The following KCNQ1 variants were observed in gnomAD, a reference collection of about 807,000 sequenced individuals.
KCNQ1 encodes potassium voltage-gated channel subfamily KQT member 1.
A neutral mutation model predicts 72.4 loss-of-function variants in KCNQ1; 49 were observed. That is an observed-to-expected ratio of 0.68 (90% CI 0.54 to 0.86). The LOEUF (loss-of-function observed/expected upper bound fraction) is 0.86, where lower values mean the gene tolerates loss of function less well. Ranked by LOEUF, KCNQ1 falls within the 40% of genes least tolerant of loss-of-function variation. KCNQ1 has a pLI of 0.00. For missense variants in KCNQ1, 790 were observed against 945.1 expected (o/e 0.84, Z 2.15); for synonymous variants, 450 against 412.6 (o/e 1.09, Z -1.10).
chr11:2,648,115 G>A, intron 10 of KCNQ1: 2 of 371,406 alleles, frequency 5.4e-6, no homozygotes, highest in Non-Finnish European at 9.5e-6. Flanking sequence ...TGAGGCAGGA[G>A]GATTGCTTGA....
At chr11:2,472,348 TTGTG>T (rs1441245028) in intron 1 of KCNQ1, among the ~76,000 whole-genome samples, 2 of 148,092 alleles carry the variant, frequency 1.4e-5, no homozygotes, top group Non-Finnish European at 3.0e-5. Flanking sequence ...CTGTGTGTGT[TTGTG>T]GGTGTGTGTG....
chr11:2,531,477 G>A (rs1258386494), intron 2 of KCNQ1, among the ~76,000 whole-genome samples: 1 of 152,076 alleles, frequency 6.6e-6, no homozygotes, highest in Non-Finnish European at 1.5e-5. Flanking sequence ...ACAGTGCTGA[G>A]CTGTGCCCCC....
chr11:2,680,131 ATCTGCCCGCC>A (rs1413079797), intron 11 of KCNQ1: 32 of 394,880 alleles, frequency 8.1e-5, no homozygotes, highest in Middle Eastern at 6.3e-4. Context: ...ACCTCAAGTG[ATCTGCCCGCC>A]TCAGCCTCCT....
At chr11:2,633,538 T>A (rs943880045) in intron 10 of KCNQ1, 1 of 398,438 alleles carries the variant, frequency 2.5e-6, no homozygotes, top group African/African-American at 2.1e-5. Flanking sequence ...TTTGAGTTGA[T>A]TTTTTTATAT....
At chr11:2,459,677 C>A (rs1216248395) in intron 1 of KCNQ1, among the ~76,000 whole-genome samples, 1 of 152,028 alleles carries the variant, frequency 6.6e-6, no homozygotes, top group Non-Finnish European at 1.5e-5. Flanking sequence ...AGGGCGTGGT[C>A]CCTCCCCCCA....
At chr11:2,622,250 G>A (rs10741669) in intron 10 of KCNQ1, 355,513 of 398,270 alleles carry the variant, frequency 0.89, 158,915 homozygotes, top group East Asian at 0.99. Context: ...GTGTGTATAC[G>A]TTTCCAATTG....
rs11820026 is a variant in KCNQ1, at chr11:2,565,452, A to G, written c.478-5176A>G. Among the ~76,000 whole-genome samples the G allele has an allele frequency of 0.067, 10,137 of 152,226 alleles. 836 individuals carry two copies. Among genetic ancestry groups the G allele is most frequent in the African/African-American group, 0.2 (8,114 of 41,500 alleles). On this transcript the variant is annotated intron_variant, in intron 2 of 15. Transcript: ENST00000155840. The surrounding 1 kb of genome is among the most constrained non-coding windows in gnomAD (Gnocchi z 5.6). ...AAATGACTGTCCAAGCCCTTTGCCTATTTTTTAAAAATTGAGTTGTTAGGA... is the reference window on the plus strand; with the variant it reads ...AAATGACTGTCCAAGCCCTTTGCCTGTTTTTTAAAAATTGAGTTGTTAGGA...
intron 15 of KCNQ1, among the ~76,000 whole-genome samples, chr11:2,805,721 C>T (rs932878206): frequency 5.3e-5 from 8 of 152,186 alleles, no homozygotes; most frequent in Non-Finnish European, 1.0e-4. Flanking sequence ...AGTGAAGAGA[C>T]GCAAGATGCA....
intron 2 of KCNQ1, among the ~76,000 whole-genome samples, chr11:2,560,277 ACG>A: frequency 3.6e-5 from 1 of 27,618 alleles, no homozygotes; most frequent in Non-Finnish European, 6.2e-5. Flanking sequence ...GGGGGCGGTG[ACG>A]TCCATCCTGG....
chr11:2,457,165 G>C lies in KCNQ1; in HGVS notation c.386+11681G>C, dbSNP rs1214083414. On this transcript the variant is annotated intron_variant, in intron 1 of 15. Transcript: ENST00000155840. This position sits in a 1 kb window ranked among gnomAD's most constrained non-coding sequence, Gnocchi z 5.0. ...CAAAACAACAGATGCTGGAGAGGCA[G>C]TAGAGAAAGGGGAACACTTACACCC... 6.6e-6 allele frequency among the ~76,000 whole-genome samples: 1 copy of C among 152,144 alleles called. No homozygotes were observed. Among genetic ancestry groups the C allele is most frequent in the Non-Finnish European group, 1.5e-5 (1 of 68,024 alleles).
rs953379724 is a variant in KCNQ1, at chr11:2,764,294, C to T, written c.1515-4550C>T. On this transcript the variant is annotated intron_variant, in intron 11 of 15. Transcript: ENST00000155840. The surrounding 1 kb of genome is among the most constrained non-coding windows in gnomAD (Gnocchi z 4.8). ...TCTCGCTTTATCAAATGCTTTCTTA[C>T]AATCTGTTGTGTTGATTGTATTTTT... is the stretch of plus-strand genomic sequence containing the variant. Among the ~76,000 whole-genome samples, 7 of 151,804 alleles carry T rather than the reference C, an allele frequency of 4.6e-5. No individual in the cohort carries two copies. The highest frequency in any genetic ancestry group is 1.7e-4 in the African/African-American group (7 of 41,326).
Position 2,657,738 on chromosome 11 carries a change from G to C in KCNQ1, c.1394-4223G>C. The C allele has an allele frequency of 2.5e-6, 1 of 398,530 alleles. No individual in the cohort carries two copies. The highest frequency in any genetic ancestry group is 4.4e-6 in the Non-Finnish European group (1 of 226,048). 24.7% of individuals were successfully genotyped at this position (398,530 alleles called of 1,614,324 possible). A position where few individuals can be genotyped will look rare whatever the true frequency, so the allele number is the denominator to read the frequency against. On this transcript the variant is annotated intron_variant, in intron 10 of 15. Transcript: ENST00000155840. This position sits in a 1 kb window ranked among gnomAD's most constrained non-coding sequence, Gnocchi z 4.8. ...TTACATTTATTGTCATCTCTGATCG[G>C]TGACGGGCTTCTCAGTCTTGTTCTT...
Position 2,670,029 on chromosome 11 carries a change from C to G in KCNQ1, c.1514+7948C>G. On this transcript the variant is annotated intron_variant, in intron 11 of 15. Coordinates refer to ENST00000155840, the MANE Select transcript of KCNQ1 (RefSeq NM_000218.3). The surrounding 1 kb of genome is among the most constrained non-coding windows in gnomAD (Gnocchi z 4.9). ...GAGCTGTTGGGGTCCCGTGGAGGTA[C>G]AGGCGGAAACCTAGCACTCACTATT... 2.5e-6 allele frequency: 1 copy of G among 398,602 alleles called. No individual in the cohort carries two copies. The highest frequency in any genetic ancestry group is 4.4e-6 in the Non-Finnish European group (1 of 226,092). 24.7% of individuals were successfully genotyped at this position (398,602 alleles called of 1,614,324 possible).
In KCNQ1 at chr11:2,499,040, C is replaced by T. The variant is rs139353300; in HGVS notation, c.387-28888C>T. On this transcript the variant is annotated intron_variant, in intron 1 of 15. Coordinates refer to ENST00000155840, the MANE Select transcript of KCNQ1 (RefSeq NM_000218.3). ...GCCCCACCTGCTTCTGTGTGCCCTC[C>T]GTGGGCTGCACCCACTGCCTAATCA... Among the ~76,000 whole-genome samples, 1,149 of 152,262 alleles carry T rather than the reference C, an allele frequency of 7.5e-3. 14 individuals carry two copies. Among genetic ancestry groups the T allele is most frequent in the Non-Finnish European group, 0.012 (789 of 68,018 alleles).
intron 15 of KCNQ1, among the ~76,000 whole-genome samples, chr11:2,789,056 C>A (rs1199026380): frequency 6.6e-6 from 1 of 152,154 alleles, no homozygotes; most frequent in African/African-American, 2.4e-5. Flanking sequence ...CGTACCCTCC[C>A]CCAACTTCAG....
chr11:2,574,084 G>A (rs915655984), intron 6 of KCNQ1, among the ~76,000 whole-genome samples: 1 of 152,316 alleles, frequency 6.6e-6, no homozygotes, highest in Non-Finnish European at 1.5e-5. Context: ...CTTCTAGGGG[G>A]AACACGTGGG....
In KCNQ1 at chr11:2,498,326, G is replaced by A. The variant is rs1846954226; in HGVS notation, c.387-29602G>A. 6.6e-6 allele frequency among the ~76,000 whole-genome samples: 1 copy of A among 152,228 alleles called. No homozygotes were observed. ...CCAGGTGCTCTGTCCCAGGGAAATGGGAGTTTTATCTATAATCCCCTGACT... is the reference window on the plus strand; with the variant it reads ...CCAGGTGCTCTGTCCCAGGGAAATGAGAGTTTTATCTATAATCCCCTGACT... On this transcript the variant is annotated intron_variant, in intron 1 of 15. Transcript: ENST00000155840. The surrounding 1 kb of genome is among the most constrained non-coding windows in gnomAD (Gnocchi z 4.8).
At chr11:2,532,874 C>T (rs773511258) in intron 2 of KCNQ1, among the ~76,000 whole-genome samples, 2 of 152,112 alleles carry the variant, frequency 1.3e-5, no homozygotes, top group African/African-American at 2.4e-5. Context: ...GCAGGAAGGA[C>T]GGTTGGGGGC....
At chr11:2,607,356 A>G (rs889517079) in intron 10 of KCNQ1, among the ~76,000 whole-genome samples, 6 of 152,086 alleles carry the variant, frequency 3.9e-5, no homozygotes, top group African/African-American at 1.4e-4. Flanking sequence ...ATTAATTGCT[A>G]TAGACTGAAT....
Sources: allele counts gnomAD v4.1 joint callset (sites outside exome capture counted in the v4.1 genomes callset), GRCh38; gene constraint gnomAD v4.1.1; non-coding constraint Gnocchi (gnomAD v3.1); transcripts MANE v1.5; gene names NCBI Gene and HGNC (gene_info 2026-07-23, HGNC 2026-07-21).